Variants in CPNE3 observed in about 807,000 individuals in gnomAD.
CPNE3 encodes copine 3.
Under a neutral mutation model 63.9 loss-of-function variants are expected in CPNE3, and 68 were observed. That is an observed-to-expected ratio of 1.06 (90% CI 0.87 to 1.30). The LOEUF is 1.30. CPNE3 is among the 50% of genes most tolerant of loss of function. The pLI is 0.00. For synonymous variants in CPNE3, 219 were observed against 197.5 expected (o/e 1.11, Z -0.91); for missense variants, 665 against 578.1 (o/e 1.15, Z -1.54).
At chr8:86,538,846 G>A (rs776858198) in intron 7 of CPNE3, among the ~76,000 whole-genome samples, 6 of 152,080 alleles carry the variant, frequency 3.9e-5, no homozygotes, top group African/African-American at 1.2e-4. Flanking sequence ...GCTGGTGACC[G>A]CCAGATCTCA....
At chr8:86,519,840 T>A (rs1008155193) in intron 2 of CPNE3, among the ~76,000 whole-genome samples, 53 of 152,202 alleles carry the variant, frequency 3.5e-4, no homozygotes, top group African/African-American at 1.3e-3. Context: ...CAGCCTCCCA[T>A]GTAGCTGGGA....
chr8:86,522,500 G>A (rs537747698), intron 2 of CPNE3, among the ~76,000 whole-genome samples: 1 of 148,352 alleles, frequency 6.7e-6, no homozygotes, highest in African/African-American at 2.5e-5. Flanking sequence ...GAACTCTGAG[G>A]AGCATAGCAG....
At chr8:86,547,954 T>TC (rs773258885) in intron 11 of CPNE3, among the ~76,000 whole-genome samples, 184 bp downstream of exon 11, 1 of 152,196 alleles carries the variant, frequency 6.6e-6, no homozygotes, top group Non-Finnish European at 1.5e-5. Context: ...TGAGATCTCT[T>TC]CCTCCTGAGA....
intron 2 of CPNE3, chr8:86,524,686 T>TC (rs1820502561): frequency 6.9e-6 from 1 of 144,962 alleles, no homozygotes; most frequent in African/African-American, 2.6e-5. Flanking sequence ...TCATAATTTT[T>TC]TTTTTTTTTT....
chr8:86,522,535 C>T (rs887659835), intron 2 of CPNE3, among the ~76,000 whole-genome samples: 2 of 145,440 alleles, frequency 1.4e-5, no homozygotes, highest in Admixed American at 1.4e-4. Flanking sequence ...GCCATATTAC[C>T]TGACGCCCGC....
chr8:86,549,240 G>T (rs917178588), intron 12 of CPNE3, among the ~76,000 whole-genome samples: 3 of 152,036 alleles, frequency 2.0e-5, no homozygotes, highest in African/African-American at 7.2e-5. Flanking sequence ...TCTAAAGTAA[G>T]GTGGCAATTC....
intron 7 of CPNE3, 151 bp from the exon 8 acceptor site, chr8:86,540,094 G>T (rs1820899491): frequency 8.4e-6 from 5 of 595,314 alleles, no homozygotes; most frequent in Non-Finnish European, 3.1e-6. Flanking sequence ...GTATAATATT[G>T]TTCTAGGTAG....
At chr8:86,526,525 T>G (rs540643594) in intron 2 of CPNE3, among the ~76,000 whole-genome samples, 18 of 152,048 alleles carry the variant, frequency 1.2e-4, no homozygotes, top group Non-Finnish European at 2.5e-4. Context: ...GTTTTGTTTT[T>G]TTTTTGAGAT....
At chr8:86,552,040 A>G (rs983952258) in intron 14 of CPNE3, among the ~76,000 whole-genome samples, 7 of 152,216 alleles carry the variant, frequency 4.6e-5, no homozygotes, top group African/African-American at 1.7e-4. Context: ...GCAATCAGCC[A>G]GAAATGCCAG....
chr8:86,551,855 C>G (rs960391714), intron 14 of CPNE3, among the ~76,000 whole-genome samples: 1 of 152,228 alleles, frequency 6.6e-6, no homozygotes, highest in Non-Finnish European at 1.5e-5. Context: ...GACAAGGTCT[C>G]GCTATGTTGG....
chr8:86,530,953 A>G (rs540019329), intron 4 of CPNE3, among the ~76,000 whole-genome samples: 1 of 152,168 alleles, frequency 6.6e-6, no homozygotes, highest in Non-Finnish European at 1.5e-5. Flanking sequence ...CAGCCTCCCA[A>G]AGTGCTGGGA....
intron 2 of CPNE3, among the ~76,000 whole-genome samples, chr8:86,520,948 T>C (rs1287662488): frequency 6.6e-6 from 1 of 152,156 alleles, no homozygotes; most frequent in African/African-American, 2.4e-5. Flanking sequence ...TTTTTGTTTC[T>C]TTTTTGTTTT....
rs543944429 is a variant in CPNE3 at position 86,536,778 on chromosome 8, T to C, written c.460-785T>C. Among the ~76,000 whole-genome samples, 5 of 152,250 alleles carry C rather than the reference T, an allele frequency of 3.3e-5. No homozygotes were observed. The South Asian group carries it at 8.3e-4, about 25-fold the overall frequency. Reference sequence around the variant, plus strand: ...CATGAAAATGAGAAAAAATCATCCATAGTCTTACCACCTGAGTTTAACCTC... The same window carrying C: ...CATGAAAATGAGAAAAAATCATCCACAGTCTTACCACCTGAGTTTAACCTC... On this transcript the variant is annotated intron_variant, in intron 6 of 16. Coordinates refer to ENST00000517490, the MANE Select transcript of CPNE3 (RefSeq NM_003909.5).
chr8:86,520,746 A>G (rs1166976896), intron 2 of CPNE3, among the ~76,000 whole-genome samples: 4 of 145,844 alleles, frequency 2.7e-5, no homozygotes, highest in South Asian at 4.4e-4. Context: ...TGCAACCTCT[A>G]CCTCTGGGTT....
intron 16 of CPNE3, among the ~76,000 whole-genome samples, chr8:86,557,327 G>C (rs566107980): frequency 3.1e-4 from 47 of 152,112 alleles, no homozygotes; most frequent in African/African-American, 1.1e-3. Context: ...GTAGAGACAG[G>C]GTTTTACCAC....
chr8:86,535,624 T>C (rs147030782), intron 6 of CPNE3, among the ~76,000 whole-genome samples: 162 of 152,166 alleles, frequency 1.1e-3, no homozygotes, highest in African/African-American at 3.7e-3. Context: ...GCCGGGATCG[T>C]ACCACTACAC....
At chr8:86,556,059 A>AT (rs763048496) in intron 15 of CPNE3, 43 bp from the exon 16 acceptor site, 3 of 854,108 alleles carry the variant, frequency 3.5e-6, no homozygotes, top group Non-Finnish European at 6.2e-6. Flanking sequence ...GCCATTAGCC[A>AT]TTGCTTGACT....
intron 11 of CPNE3, 59 bp downstream of exon 11, chr8:86,547,829 T>G: frequency 1.2e-6 from 1 of 821,280 alleles, no homozygotes; most frequent in South Asian, 1.5e-5. Flanking sequence ...CAGTATATTT[T>G]CTTTCACTGC....
At position 86,556,094 on chromosome 8, in the gene CPNE3, T is replaced by C; in HGVS notation, c.1255-8T>C. 1.1e-6 allele frequency: 1 copy of C among 872,392 alleles called. No homozygotes were observed. The highest frequency in any genetic ancestry group is 2.0e-6 in the Non-Finnish European group (1 of 501,180). 54.0% of individuals were successfully genotyped at this position (872,392 alleles called of 1,614,324 possible). Reference sequence around the variant, plus strand: ...TTGCTCAGGGGACATGTTTTCTTTTTCTGGCAGCAATATTTTGTGCTTTTG... The same window carrying C: ...TTGCTCAGGGGACATGTTTTCTTTTCCTGGCAGCAATATTTTGTGCTTTTG... On this transcript the variant is annotated splice_polypyrimidine_tract_variant and splice_region_variant and intron_variant, in intron 15 of 16. Coordinates refer to ENST00000517490, the MANE Select transcript of CPNE3 (RefSeq NM_003909.5).
Sources: allele counts gnomAD v4.1 joint callset (sites outside exome capture counted in the v4.1 genomes callset), GRCh38; gene constraint gnomAD v4.1.1; transcripts MANE v1.5; gene names NCBI Gene and HGNC (gene_info 2026-07-23, HGNC 2026-07-21).